Variants in RNF38 observed in about 807,000 individuals in gnomAD.
RNF38 encodes ring finger protein 38, also known as E3 ubiquitin-protein ligase RNF38.
Under a neutral mutation model 67.2 loss-of-function variants are expected in RNF38, and 15 were observed. That is an observed-to-expected ratio of 0.22 (90% CI 0.15 to 0.34). The LOEUF (loss-of-function observed/expected upper bound fraction) is 0.34. Ranked by LOEUF, RNF38 falls within the 10% of genes least tolerant of loss-of-function variation. The pLI is 1.00. For synonymous variants in RNF38, 220 were observed against 218.8 expected (o/e 1.01, Z -0.05); for missense variants, 524 against 639.9 (o/e 0.82, Z 1.95).
chr9:36,350,261 A>T (rs1833599187), intron 9 of RNF38, among the ~76,000 whole-genome samples: 1 of 152,150 alleles, frequency 6.6e-6, no homozygotes, highest in African/African-American at 2.4e-5. Flanking sequence ...TTATTGCCTT[A>T]CCTATTACAA....
chr9:36,342,248 C>T, intron 11 of RNF38, 77 bp downstream of exon 11: 1 of 1,003,954 alleles, frequency 1.0e-6, no homozygotes, highest in East Asian at 2.4e-5. Flanking sequence ...GTCCACTGAG[C>T]TATGAACTTA....
Position 36,376,585 on chromosome 9 carries a change from C to G in RNF38, c.163-458G>C, listed in dbSNP as rs547037596. On this transcript the variant is annotated intron_variant, in intron 2 of 11. Transcript: ENST00000259605. ...CAATTTGATTCTAAATCACACTCCT[C>G]TCCCTCCTTCTATCTGTTTAGGCCA... Among the ~76,000 whole-genome samples the G allele has an allele frequency of 5.9e-5, 9 of 152,166 alleles. No individual in the cohort carries two copies. The East Asian group carries it at 1.5e-3, about 26-fold the overall frequency.
At position 36,480,388 on chromosome 9, in the gene RNF38, C is replaced by CA. The variant is rs527293231; in HGVS notation, n.241+6919dup. ...AGTTCTCTGACAATAAAACAAATTT[C>CA]AACAGAAGGTCAGCATGCAGCATCT... is the stretch of plus-strand genomic sequence containing the variant. On this transcript the variant is annotated intron_variant and non_coding_transcript_variant, in intron 1 of 3. Coordinates refer to the RNF38 transcript ENST00000488058. Among the ~76,000 whole-genome samples the CA allele has an allele frequency of 7.4e-4, 113 of 152,216 alleles. 2 individuals carry two copies. In the South Asian group the frequency reaches 0.022, roughly 30 times the overall value.
intron 6 of RNF38, among the ~76,000 whole-genome samples, chr9:36,356,098 CG>C (rs1238083549): frequency 1.3e-5 from 2 of 152,094 alleles, no homozygotes; most frequent in African/African-American, 4.8e-5. Context: ...CTGCCTGCCT[CG>C]ACCTCCCAGG....
At chr9:36,388,176 T>C (rs1220503673) in intron 2 of RNF38, among the ~76,000 whole-genome samples, 1 of 152,040 alleles carries the variant, frequency 6.6e-6, no homozygotes, top group Non-Finnish European at 1.5e-5. Context: ...GGCACAAGTA[T>C]GGGATATAAC....
At position 36,375,949 on chromosome 9, in the gene RNF38, G is replaced by A. The variant is rs1472451410; in HGVS notation, c.341C>T (p.Ala114Val). The change falls in exon 3 of 12, where the codon GCA becomes GTA. Residue 114 changes from alanine (A) to valine (V), a missense_variant. Ala to Val is a moderately conservative substitution (Grantham distance 64, BLOSUM62 0). Coordinates refer to ENST00000259605, the MANE Select transcript of RNF38 (RefSeq NM_022781.5). Reference protein sequence around the residue: ...HFSGERCNTPARNRRSPPVRR... With the variant: ...HFSGERCNTPVRNRRSPPVRR... The stretch of plus-strand genomic sequence containing the variant: ...ATCAACTAACCTTCTTCTGTTGCGT[G>A]CAGGTGTGTTGCATCGTTCCCCTGA... 1 of 1,611,648 alleles carries A rather than the reference G, an allele frequency of 6.2e-7. No homozygotes were observed. Among genetic ancestry groups the A allele is most frequent in the Non-Finnish European group, 8.5e-7 (1 of 1,179,120 alleles).
chr9:36,384,771 T>C (rs1836475592), intron 2 of RNF38, among the ~76,000 whole-genome samples: 1 of 152,228 alleles, frequency 6.6e-6, no homozygotes, highest in Non-Finnish European at 1.5e-5. Flanking sequence ...GCTAAGGAAA[T>C]GATGTTAGAC....
At position 36,337,027 on chromosome 9, in the gene RNF38, C is replaced by G. The variant is rs1472456218; in HGVS notation, c.*2725G>C. On this transcript the variant is annotated 3_prime_UTR_variant, in exon 12 of 12. Coordinates refer to ENST00000259605, the MANE Select transcript of RNF38 (RefSeq NM_022781.5). ...ATGACAATTCATGCCAAAAAACAAACAAGAACCCACAAAAAACCCACAGCT... is the reference window on the plus strand; with the variant it reads ...ATGACAATTCATGCCAAAAAACAAAGAAGAACCCACAAAAAACCCACAGCT... The G allele has an allele frequency of 2.6e-5, 4 of 152,012 alleles. No homozygotes were observed. The allele number at this position is 152,012 out of a possible 1,614,324, so 9.4% of individuals were successfully genotyped here. A position where few individuals can be genotyped will look rare whatever the true frequency, so the allele number is the denominator to read the frequency against.
intron 1 of RNF38, among the ~76,000 whole-genome samples, chr9:36,392,658 A>G (rs1327873135): frequency 1.3e-5 from 2 of 152,300 alleles, no homozygotes; most frequent in East Asian, 3.9e-4. Flanking sequence ...TTAGCTACTC[A>G]GGAGGCTAAG....
chr9:36,432,761 C>T (rs1838961897), intron 1 of RNF38, among the ~76,000 whole-genome samples: 1 of 152,078 alleles, frequency 6.6e-6, no homozygotes, highest in African/African-American at 2.4e-5. Flanking sequence ...CCTGGTGACA[C>T]AGTGAGACTC....
Position 36,451,491 on chromosome 9 carries a change from GTTTTT to G in RNF38, n.242-26813_242-26809del, listed in dbSNP as rs374396585. 3.4e-4 allele frequency among the ~76,000 whole-genome samples: 20 copies of G among 58,688 alleles called. No homozygotes were observed. In the South Asian group the frequency reaches 6.2e-3, roughly 18 times the overall value. 38.5% of individuals were successfully genotyped at this position (58,688 alleles called of 152,430 possible). A position where few individuals can be genotyped will look rare whatever the true frequency, so the allele number is the denominator to read the frequency against. ...TAAAGAAGAAAAAAAAATTGTAGTAGTTTTTTTTTTTTTTTTTTTTTTTTTTGAGA... is the reference window on the plus strand; with the variant it reads ...TAAAGAAGAAAAAAAAATTGTAGTAGTTTTTTTTTTTTTTTTTTTTTGAGA... On this transcript the variant is annotated intron_variant and non_coding_transcript_variant, in intron 1 of 3. Transcript: ENST00000488058.
intron 1 of RNF38, among the ~76,000 whole-genome samples, chr9:36,454,877 CCCG>C (rs1839548505): frequency 6.6e-6 from 1 of 151,878 alleles, no homozygotes; most frequent in African/African-American, 2.4e-5. Flanking sequence ...AGCCACTGCA[CCCG>C]ACCTAATTTT....
chr9:36,353,365 T>C (rs959748469), intron 6 of RNF38, 34 bp from the exon 7 acceptor site: 8 of 1,343,620 alleles, frequency 6.0e-6, no homozygotes, highest in African/African-American at 1.5e-5. Context: ...CATATATGTA[T>C]ATATATATAT....
At chr9:36,486,316 T>A (rs556477317) in intron 1 of RNF38, among the ~76,000 whole-genome samples, 2 of 152,236 alleles carry the variant, frequency 1.3e-5, no homozygotes, top group Admixed American at 1.3e-4. Context: ...ATGTATTACA[T>A]GCCAGGCAGG....
At position 36,423,969 on chromosome 9, in the gene RNF38, A is replaced by G. The variant is rs1242361346; in HGVS notation, n.312+644T>C. Reference sequence around the variant, plus strand: ...GTCTCAAAAAAAAAAAAAAAAAAAAAAAAAGAAAAGCCCCCCCTAGAGACC... The same window carrying G: ...GTCTCAAAAAAAAAAAAAAAAAAAAGAAAAGAAAAGCCCCCCCTAGAGACC... On this transcript the variant is annotated intron_variant and non_coding_transcript_variant, in intron 2 of 3. Coordinates refer to the RNF38 transcript ENST00000488058. Among the ~76,000 whole-genome samples the G allele has an allele frequency of 1.8e-4, 5 of 27,826 alleles. 2 individuals carry two copies. The highest frequency in any genetic ancestry group is 5.2e-4 in the Admixed American group (2 of 3,854). 18.3% of individuals were successfully genotyped at this position (27,826 alleles called of 152,430 possible).
chr9:36,400,101 C>T lies in RNF38; in HGVS notation c.8G>A (p.Cys3Tyr). 6.2e-7 allele frequency: 1 copy of T among 1,611,802 alleles called. No homozygotes were observed. The highest frequency in any genetic ancestry group is 8.5e-7 in the Non-Finnish European group (1 of 1,179,172). The change falls in exon 1 of 12, where the codon TGT (cysteine) becomes TAT (tyrosine). Residue 3 changes from cysteine (C) to tyrosine (Y), a missense_variant. Physicochemically the swap from Cys to Tyr is radical, Grantham distance 194 (BLOSUM62 -2). Transcript: ENST00000259605. The part of the protein sequence containing the change: MA[C>Y]KISPGANSAS... ...ACACAAAGAAAAATACTTTACCTTA[C>T]AAGCCATACAGACGTAAACAAAAAC...
chr9:36,444,919 C>CTTTTTT (rs34369319), intron 1 of RNF38, among the ~76,000 whole-genome samples: 1 of 133,442 alleles, frequency 7.5e-6, no homozygotes, highest in South Asian at 2.4e-4. Context: ...GAGCCATTCT[C>CTTTTTT]TTTTTTTTTT....
intron 10 of RNF38, among the ~76,000 whole-genome samples, chr9:36,343,077 A>G (rs1832964543): frequency 6.6e-6 from 1 of 152,180 alleles, no homozygotes; most frequent in Non-Finnish European, 1.5e-5. Flanking sequence ...AGTGCTATGT[A>G]AATAGTTGTT....
At chr9:36,363,528 T>C (rs1834718441) in intron 4 of RNF38, among the ~76,000 whole-genome samples, 1 of 100,878 alleles carries the variant, frequency 9.9e-6, no homozygotes, top group Admixed American at 9.1e-5. Context: ...CAGAACCACT[T>C]ATTAGCAATT....
Sources: allele counts gnomAD v4.1 joint callset (sites outside exome capture counted in the v4.1 genomes callset), GRCh38; gene constraint gnomAD v4.1.1; transcripts MANE v1.5; gene names NCBI Gene and HGNC (gene_info 2026-07-23, HGNC 2026-07-21).